Variants in GABRB2 observed in about 807,000 individuals in gnomAD.
GABRB2 encodes the protein gamma-aminobutyric acid type A receptor subunit beta2, also known as gamma-aminobutyric acid receptor subunit beta-2.
GABRB2 carries 16 observed loss-of-function variants against 54.7 expected under a neutral mutation model. The observed-to-expected ratio is 0.29, with a 90% CI of 0.20 to 0.44. The LOEUF (loss-of-function observed/expected upper bound fraction) is 0.44. Among genes scored for constraint, GABRB2 ranks in the 20% least tolerant of loss-of-function variants. The pLI is 1.00. For synonymous variants in GABRB2, 244 were observed against 233.8 expected (o/e 1.04, Z -0.40); for missense variants, 355 against 644.0 (o/e 0.55, Z 4.86).
chr5:161,520,334 G>C (rs1231868772), intron 3 of GABRB2, among the ~76,000 whole-genome samples: 2 of 152,138 alleles, frequency 1.3e-5, no homozygotes, highest in East Asian at 3.9e-4. Flanking sequence ...ATAAAATAGA[G>C]GGATTTGAAC....
rs538599355 is a variant in GABRB2 at position 161,517,969 on chromosome 5, C to T, written c.237+27258G>A. 2.6e-4 allele frequency among the ~76,000 whole-genome samples: 40 copies of T among 152,032 alleles called. No individual in the cohort carries two copies. The South Asian group carries it at 7.1e-3, about 27-fold the overall frequency. ...CCGCCACCACACCCGCCACCACGCC[C>T]GGCTAATTTTTTGTATTTTTAGTAG... is the stretch of plus-strand genomic sequence containing the variant. On this transcript the variant is annotated intron_variant, in intron 3 of 9. Transcript: ENST00000393959.
At chr5:161,307,620 A>T (rs1757726615) in intron 9 of GABRB2, among the ~76,000 whole-genome samples, 1 of 152,162 alleles carries the variant, frequency 6.6e-6, no homozygotes, top group South Asian at 2.1e-4. Flanking sequence ...ACCTAATCTT[A>T]AAATGAGCAA....
At chr5:161,440,062 CAAAA>C (rs61152845) in intron 4 of GABRB2, among the ~76,000 whole-genome samples, 2 of 77,194 alleles carry the variant, frequency 2.6e-5, no homozygotes, top group African/African-American at 8.3e-5. Context: ...AACCTCAAAC[CAAAA>C]AAAAAAAAAA....
intron 3 of GABRB2, among the ~76,000 whole-genome samples, chr5:161,519,900 A>G (rs1760064675): frequency 6.6e-6 from 1 of 152,146 alleles, no homozygotes; most frequent in Non-Finnish European, 1.5e-5. Context: ...AGCAAGGTCA[A>G]AGAGGAATAA....
At chr5:161,400,931 C>T (rs1282621218) in intron 5 of GABRB2, among the ~76,000 whole-genome samples, 1 of 152,038 alleles carries the variant, frequency 6.6e-6, no homozygotes, top group East Asian at 1.9e-4. Flanking sequence ...TGATTTTTTT[C>T]AATGTTACAG....
chr5:161,474,548 G>A (rs1758538501), intron 3 of GABRB2, among the ~76,000 whole-genome samples: 1 of 151,892 alleles, frequency 6.6e-6, no homozygotes, highest in Non-Finnish European at 1.5e-5. Flanking sequence ...ATATATACAA[G>A]AGGTAGCATG....
Position 161,410,909 on chromosome 5 carries a change from C to T in GABRB2, c.541+66G>A. On this transcript the variant is annotated intron_variant, in intron 5 of 9. Coordinates refer to ENST00000393959, the MANE Select transcript of GABRB2 (RefSeq NM_001371727.1). ...CCTGTGGTCTGGACATGAGCCAGGA[C>T]TGGAGGCCTCTGCGTAAGAACCTTA... 3.3e-6 allele frequency: 4 copies of T among 1,225,944 alleles called. No individual in the cohort carries two copies. In the South Asian group the frequency reaches 5.0e-5, roughly 15 times the overall value. 75.9% of individuals were successfully genotyped at this position (1,225,944 alleles called of 1,614,324 possible).
chr5:161,516,086 ATTTTACTT>A (rs1340603443), intron 3 of GABRB2, among the ~76,000 whole-genome samples: 1 of 152,164 alleles, frequency 6.6e-6, no homozygotes, highest in Non-Finnish European at 1.5e-5. Flanking sequence ...CTACATAAGT[ATTTTACTT>A]TATCTCTCAC....
rs144707218 is a variant in GABRB2, at chr5:161,531,524, G to A, written c.237+13703C>T. 1.4e-3 allele frequency among the ~76,000 whole-genome samples: 207 copies of A among 151,912 alleles called. 1 individual carries two copies. Among genetic ancestry groups the A allele is most frequent in the African/African-American group, 4.8e-3 (198 of 41,456 alleles). The stretch of plus-strand genomic sequence containing the variant: ...CTACAAAACATTATTTTTTTTCTAT[G>A]TTAATGCTTTAGACTCTACAGAGGT... On this transcript the variant is annotated intron_variant, in intron 3 of 9. Coordinates refer to ENST00000393959, the MANE Select transcript of GABRB2 (RefSeq NM_001371727.1).
At chr5:161,414,989 A>G (rs1276240050) in intron 4 of GABRB2, among the ~76,000 whole-genome samples, 1 of 152,214 alleles carries the variant, frequency 6.6e-6, no homozygotes, top group Non-Finnish European at 1.5e-5. Context: ...GATTTATAAC[A>G]GAGCTGTTTC....
At chr5:161,378,223 A>G (rs1472427147) in intron 5 of GABRB2, among the ~76,000 whole-genome samples, 1 of 152,132 alleles carries the variant, frequency 6.6e-6, no homozygotes, top group African/African-American at 2.4e-5. Flanking sequence ...AAGGATAATC[A>G]TAGCTAATGG....
intron 4 of GABRB2, among the ~76,000 whole-genome samples, chr5:161,433,949 A>C (rs961023230): frequency 6.6e-6 from 1 of 152,198 alleles, no homozygotes; most frequent in Non-Finnish European, 1.5e-5. Flanking sequence ...TCCTTAAAAC[A>C]TGCTAAATCT....
upstream of GABRB2, chr5:161,548,353 C>A (rs530421574): frequency 1.3e-5 from 2 of 152,380 alleles, no homozygotes; most frequent in African/African-American, 4.8e-5. Flanking sequence ...TCCGAAGGAA[C>A]CGGAGTCCAC....
At chr5:161,387,692 C>T (rs542922066) in intron 5 of GABRB2, among the ~76,000 whole-genome samples, 1 of 152,262 alleles carries the variant, frequency 6.6e-6, no homozygotes, top group East Asian at 1.9e-4. Flanking sequence ...TCATGTCAAA[C>T]TGTTTTCTTT....
intron 4 of GABRB2, among the ~76,000 whole-genome samples, chr5:161,413,297 T>C (rs1756574382): frequency 6.6e-6 from 1 of 152,102 alleles, no homozygotes; most frequent in African/African-American, 2.4e-5. Flanking sequence ...TTAGAATGTG[T>C]CTTAGGTTGT....
chr5:161,322,317 C>A (rs1758235439), intron 9 of GABRB2, among the ~76,000 whole-genome samples: 1 of 152,168 alleles, frequency 6.6e-6, no homozygotes, highest in South Asian at 2.1e-4. Flanking sequence ...CGCGCTGCAA[C>A]CTCCACCTTC....
intron 9 of GABRB2, among the ~76,000 whole-genome samples, chr5:161,308,932 A>G (rs138220502): frequency 2.0e-5 from 3 of 152,340 alleles, no homozygotes; most frequent in East Asian, 3.9e-4. Context: ...AGGCAATACA[A>G]TTCAGGACAT....
At chr5:161,316,191 G>C (rs1174461342) in intron 9 of GABRB2, among the ~76,000 whole-genome samples, 1 of 152,128 alleles carries the variant, frequency 6.6e-6, no homozygotes, top group Non-Finnish European at 1.5e-5. Flanking sequence ...TTTTGACAGA[G>C]GTTGACATTT....
intron 3 of GABRB2, among the ~76,000 whole-genome samples, chr5:161,523,535 T>G (rs747431529): frequency 2.7e-4 from 41 of 151,496 alleles, no homozygotes; most frequent in Non-Finnish European, 5.0e-4. Flanking sequence ...CAATTTCAGA[T>G]GTAAGAAAGT....
Sources: gnomAD v4.1 joint callset for allele counts (sites outside exome capture counted in the v4.1 genomes callset) on GRCh38, gnomAD v4.1.1 for gene constraint, MANE v1.5 for transcripts, NCBI Gene and HGNC (gene_info 2026-07-23, HGNC 2026-07-21) for gene names.